Variants in HMCN1 observed in about 807,000 individuals in gnomAD.
The protein encoded by HMCN1 is hemicentin-1.
A neutral mutation model predicts 625.9 loss-of-function variants in HMCN1; 321 were observed. That is an observed-to-expected ratio of 0.51 (90% confidence interval 0.47 to 0.56). The LOEUF (loss-of-function observed/expected upper bound fraction) is 0.56, where lower values mean the gene tolerates loss of function less well. Ranked by LOEUF, HMCN1 falls within the 20% of genes least tolerant of loss-of-function variation. The pLI is 0.00. For synonymous variants in HMCN1, 2,425 were observed against 2,417.6 expected, an observed-to-expected ratio of 1.00 and a Z score of -0.09; for missense variants, 6,588 against 6,887.3, an observed-to-expected ratio of 0.96 and a Z score of 1.54.
At chr1:185,948,623 G>T (rs1339087052) in intron 11 of HMCN1, among the ~76,000 whole-genome samples, 2 of 151,638 alleles carry the variant, frequency 1.3e-5, no homozygotes, top group Non-Finnish European at 2.9e-5. Flanking sequence ...GGTGGGGCAG[G>T]GCATATTCAC....
rs1274439313 is a variant in HMCN1 at position 186,141,962 on chromosome 1, A to G, written c.13925-2211A>G. Among the ~76,000 whole-genome samples, 3 of 152,184 alleles carry G rather than the reference A, an allele frequency of 2.0e-5. No individual in the cohort carries two copies. The East Asian group carries it at 5.8e-4, about 29-fold the overall frequency. On this transcript the variant is annotated intron_variant, in intron 89 of 106. Transcript: ENST00000271588. ...AACAAATTGAGTTATAATATTTTGCATGTTTCTTACCTACTAATCCCTCTG... is the reference window on the plus strand; with the variant it reads ...AACAAATTGAGTTATAATATTTTGCGTGTTTCTTACCTACTAATCCCTCTG...
At chr1:185,794,692 G>C (rs958234738) in intron 1 of HMCN1, among the ~76,000 whole-genome samples, 21 of 145,274 alleles carry the variant, frequency 1.4e-4, no homozygotes, top group Non-Finnish European at 2.8e-4. Context: ...GTATGGGTCT[G>C]CCTTTCCCAG....
In HMCN1 at chr1:185,820,525, A is replaced by G. The variant is rs572690421; in HGVS notation, c.269-25501A>G. Reference sequence around the variant, plus strand: ...TATTTATAATAGAAGTAAGTGAAAGACATGGTTCCTAGTGATTTCAATCTC... The same window carrying G: ...TATTTATAATAGAAGTAAGTGAAAGGCATGGTTCCTAGTGATTTCAATCTC... On this transcript the variant is annotated intron_variant, in intron 1 of 106. Transcript: ENST00000271588. Among the ~76,000 whole-genome samples, 31 of 152,336 alleles carry G rather than the reference A, an allele frequency of 2.0e-4. 1 individual carries two copies. In the South Asian group the frequency reaches 3.5e-3, roughly 17 times the overall value.
chr1:185,877,713 C>T (rs1405040724), intron 4 of HMCN1, among the ~76,000 whole-genome samples: 1 of 151,714 alleles, frequency 6.6e-6, no homozygotes, highest in African/African-American at 2.4e-5. Context: ...GTATTTTACT[C>T]TTTTTGTATG....
intron 80 of HMCN1, among the ~76,000 whole-genome samples, chr1:186,122,735 C>T: frequency 6.6e-6 from 1 of 152,178 alleles, no homozygotes; most frequent in South Asian, 2.1e-4. Context: ...TCGACTATCA[C>T]TTAACATTTA....
At chr1:185,848,548 G>A (rs1425071465) in intron 2 of HMCN1, among the ~76,000 whole-genome samples, 1 of 152,000 alleles carries the variant, frequency 6.6e-6, no homozygotes, top group Non-Finnish European at 1.5e-5. Context: ...TCCATACCAT[G>A]TAAATATGCT....
Position 186,153,962 on chromosome 1 carries a change from T to G in HMCN1, c.15231T>G (p.Phe5077Leu). The G allele has an allele frequency of 1.2e-6, 2 of 1,613,490 alleles. No individual in the cohort carries two copies. The highest frequency in any genetic ancestry group is 1.7e-6 in the Non-Finnish European group (2 of 1,179,428). ...ACCAGATAGAAGAGACACTGGGTTTTAAAATTCATGCTTCAATATCCAAAG... is the reference window on the plus strand; with the variant it reads ...ACCAGATAGAAGAGACACTGGGTTTGAAAATTCATGCTTCAATATCCAAAG... ...DYNQIEETLG[F>L]KIHASISKGD... The change falls in exon 97 of 107, where the codon TTT (phenylalanine) becomes TTG (leucine). Residue 5077 changes from phenylalanine (F) to leucine (L), a missense_variant. Coordinates refer to ENST00000271588, the MANE Select transcript of HMCN1 (RefSeq NM_031935.3).
intron 19 of HMCN1, among the ~76,000 whole-genome samples, chr1:185,986,067 A>G (rs1033755912): frequency 2.0e-5 from 3 of 152,206 alleles, no homozygotes; most frequent in Non-Finnish European, 2.9e-5. Context: ...AATTGACAGC[A>G]TAGTTGAAAG....
At chr1:185,894,134 C>CA (rs1014244829) in intron 4 of HMCN1, among the ~76,000 whole-genome samples, 2 of 146,650 alleles carry the variant, frequency 1.4e-5, no homozygotes, top group East Asian at 2.0e-4. Flanking sequence ...GACTCCGTGT[C>CA]AAAAAAAACA....
At chr1:185,893,518 A>G (rs1453159224) in intron 4 of HMCN1, among the ~76,000 whole-genome samples, 1 of 152,190 alleles carries the variant, frequency 6.6e-6, no homozygotes, top group Non-Finnish European at 1.5e-5. Flanking sequence ...AACAATTAAT[A>G]TTACAATTAT....
rs1650207829 is a variant in HMCN1 at position 185,963,851 on chromosome 1, A to G, written c.2054A>G (p.Asn685Ser). The change falls in exon 13 of 107, where the codon AAT becomes AGT. Residue 685 changes from asparagine to serine, a missense_variant. This residue lies in a region of HMCN1 where 4,628 missense variants were observed against 4,853.1 expected (regional missense o/e 0.95). Coordinates refer to ENST00000271588, the MANE Select transcript of HMCN1 (RefSeq NM_031935.3). ...DAGIYGCLAS[N>S]SAGTDKQNST... is the part of the protein sequence containing the mutation. ...GGGATCTATGGTTGCCTAGCAAGTA[A>G]TTCAGCTGGAACAGATAAACAGAAT... The G allele has an allele frequency of 6.2e-7, 1 of 1,612,246 alleles. No individual in the cohort carries two copies. Among genetic ancestry groups the G allele is most frequent in the Non-Finnish European group, 8.5e-7 (1 of 1,178,536 alleles).
intron 4 of HMCN1, among the ~76,000 whole-genome samples, chr1:185,904,122 A>G (rs564165847): frequency 2.6e-5 from 4 of 151,982 alleles, no homozygotes; most frequent in Admixed American, 2.6e-4. Context: ...TGAACGACAG[A>G]TTCAAATCTC....
chr1:186,112,296 A>G (rs898963547), intron 71 of HMCN1, among the ~76,000 whole-genome samples: 2 of 152,242 alleles, frequency 1.3e-5, no homozygotes, highest in Non-Finnish European at 2.9e-5. Flanking sequence ...AACTTAAATG[A>G]AAAGGAAAAA....
chr1:185,841,355 A>G (rs1025509948), intron 1 of HMCN1, among the ~76,000 whole-genome samples: 9 of 152,214 alleles, frequency 5.9e-5, no homozygotes, highest in African/African-American at 2.2e-4. Flanking sequence ...GAAAAATTGT[A>G]TCAGTTTTCT....
intron 4 of HMCN1, among the ~76,000 whole-genome samples, chr1:185,892,387 C>G (rs1449293362): frequency 2.0e-5 from 3 of 151,862 alleles, no homozygotes; most frequent in Non-Finnish European, 4.4e-5. Flanking sequence ...GAGAGGCGCT[C>G]TGATTTTTAG....
At chr1:185,971,664 TCCA>T (rs1437922925) in intron 15 of HMCN1, among the ~76,000 whole-genome samples, 1 of 152,188 alleles carries the variant, frequency 6.6e-6, no homozygotes, top group Non-Finnish European at 1.5e-5. Context: ...ACATTTTAGT[TCCA>T]CTGTTTTAAG....
chr1:185,826,418 G>A (rs1159025329), intron 1 of HMCN1, among the ~76,000 whole-genome samples: 2 of 152,186 alleles, frequency 1.3e-5, no homozygotes, highest in Non-Finnish European at 2.9e-5. Context: ...TCTTCCCAAG[G>A]CAGTAGACGT....
At chr1:186,019,821 T>G in intron 35 of HMCN1, 126 bp downstream of exon 35, 1 of 693,248 alleles carries the variant, frequency 1.4e-6, no homozygotes, top group Non-Finnish European at 2.3e-6. Flanking sequence ...TTATTAAAAA[T>G]AATATGCATT....
chr1:185,764,039 C>T (rs768432362), intron 1 of HMCN1, among the ~76,000 whole-genome samples: 1 of 152,120 alleles, frequency 6.6e-6, no homozygotes, highest in Non-Finnish European at 1.5e-5. Context: ...CCTCATTCTT[C>T]ATGGGAAGGA....
Sources: gnomAD v4.1 joint callset for allele counts (sites outside exome capture counted in the v4.1 genomes callset) on GRCh38, gnomAD v4.1.1 for gene constraint, gnomAD v4.1.1 regional missense constraint, MANE v1.5 for transcripts, NCBI Gene and HGNC (gene_info 2026-07-23, HGNC 2026-07-21) for gene names.